The following CLCN6 variants were observed in gnomAD, a reference collection of about 807,000 sequenced individuals.
The protein encoded by CLCN6 is H(+)/Cl(-) exchange transporter 6.
A neutral mutation model predicts 109.8 loss-of-function variants in CLCN6; 70 were observed. That is an observed-to-expected ratio of 0.64 (90% confidence interval 0.53 to 0.78). The LOEUF (loss-of-function observed/expected upper bound fraction) is 0.78. Among genes scored for constraint, CLCN6 ranks in the 30% least tolerant of loss-of-function variants. The pLI is 0.00. For missense variants in CLCN6, 984 were observed against 1,142.3 expected (o/e 0.86, Z 2.00); for synonymous variants, 444 against 447.8 (o/e 0.99, Z 0.11).
chr1:11,819,945 T>A (rs1644720578), intron 5 of CLCN6, among the ~76,000 whole-genome samples: 1 of 152,094 alleles, frequency 6.6e-6, no homozygotes, highest in African/African-American at 2.4e-5. Flanking sequence ...CTGTCAGATA[T>A]CAAGTCTTAT....
At chr1:11,828,691 T>G in intron 12 of CLCN6, 67 bp downstream of exon 12, 1 of 1,494,050 alleles carries the variant, frequency 6.7e-7, no homozygotes, top group Non-Finnish European at 9.0e-7. Flanking sequence ...GGCCGCGCCA[T>G]CTCTCCCGAG....
chr1:11,827,257 C>G, intron 10 of CLCN6, 36 bp downstream of exon 10: 1 of 1,591,630 alleles, frequency 6.3e-7, no homozygotes, highest in Non-Finnish European at 8.6e-7. Context: ...TTAACCACAC[C>G]CCCCGAATTA....
At chr1:11,808,068 C>T (rs1473489643) in intron 2 of CLCN6, among the ~76,000 whole-genome samples, 1 of 152,088 alleles carries the variant, frequency 6.6e-6, no homozygotes, top group Non-Finnish European at 1.5e-5. Context: ...TGAAGGATTT[C>T]AACTATATGC....
intron 13 of CLCN6, among the ~76,000 whole-genome samples, chr1:11,833,007 G>A (rs908039484): frequency 1.4e-5 from 2 of 146,578 alleles, no homozygotes; most frequent in African/African-American, 5.1e-5. Flanking sequence ...TTCTTTTGCA[G>A]CAAATTCAGG....
Position 11,823,722 on chromosome 1 carries a change from T to G in CLCN6, c.469T>G (p.Ser157Ala). The G allele has an allele frequency of 6.2e-7, 1 of 1,614,234 alleles. No homozygotes were observed. Among genetic ancestry groups the G allele is most frequent in the Non-Finnish European group, 8.5e-7 (1 of 1,180,036 alleles). Residue 157 changes from serine (S) to alanine (A), a missense_variant, in exon 7 of 23, where the codon TCC becomes GCC. By Grantham distance (99) the Ser-to-Ala change is moderately conservative (BLOSUM62 1). Transcript: ENST00000346436. Reference sequence around the variant, plus strand: ...CCTCCATCAGCCGGTGGCAGCAGGTTCCGGGATACCCGAGGTCAAATGCTA... The same window carrying G: ...CCTCCATCAGCCGGTGGCAGCAGGTGCCGGGATACCCGAGGTCAAATGCTA... ...LVLIEPVAAGSGIPEVKCYLN... is the reference protein window; with the variant it reads ...LVLIEPVAAGAGIPEVKCYLN...
intron 8 of CLCN6, among the ~76,000 whole-genome samples, chr1:11,825,392 C>T (rs1168744616): frequency 6.6e-6 from 1 of 152,228 alleles, no homozygotes; most frequent in Non-Finnish European, 1.5e-5. Flanking sequence ...CTTTGTGGGG[C>T]AGACAGAGGA....
At position 11,842,218 on chromosome 1, in the gene CLCN6, G is replaced by C. The variant is rs1645033760; in HGVS notation, c.*1995G>C. On this transcript the variant is annotated 3_prime_UTR_variant, in exon 23 of 23. Transcript: ENST00000346436. ...CTGGATCAGCAGCCGCCTGCCCTGAGGCTGCCCCGGTGAATGTTATTGGAA... is the reference window on the plus strand; with the variant it reads ...CTGGATCAGCAGCCGCCTGCCCTGACGCTGCCCCGGTGAATGTTATTGGAA... 1 of 152,330 alleles carries C rather than the reference G, an allele frequency of 6.6e-6. No homozygotes were observed. The highest frequency in any genetic ancestry group is 1.5e-5 in the Non-Finnish European group (1 of 68,052). 9.4% of individuals were successfully genotyped at this position (152,330 alleles called of 1,614,324 possible). A position where few individuals can be genotyped will look rare whatever the true frequency, so the allele number is the denominator to read the frequency against.
chr1:11,813,936 A>G (rs185226890), intron 2 of CLCN6, among the ~76,000 whole-genome samples: 2 of 152,306 alleles, frequency 1.3e-5, no homozygotes, highest in African/African-American at 4.8e-5. Flanking sequence ...GAGATTTTCC[A>G]TATCTTTCTA....
Position 11,836,124 on chromosome 1 carries a change from C to G in CLCN6, c.1951C>G (p.Gln651Glu). ...CGAGAAGGAGTTCATGAAGGGCAAC[C>G]AGCTCATCAGCAACAACATCAAGTT... ...GNEKEFMKGN[Q>E]LISNNIKFKK... is the part of the protein sequence containing the mutation. Residue 651 changes from glutamine to glutamate, a missense_variant, in exon 18 of 23, where the codon CAG becomes GAG. By Grantham distance (29) the Gln-to-Glu change is conservative. Coordinates refer to ENST00000346436, the MANE Select transcript of CLCN6 (RefSeq NM_001286.5). 1.9e-6 allele frequency: 3 copies of G among 1,613,116 alleles called. No homozygotes were observed. Among genetic ancestry groups the G allele is most frequent in the Non-Finnish European group, 2.5e-6 (3 of 1,179,778 alleles).
Position 11,837,039 on chromosome 1 carries a change from G to A in CLCN6, c.2021G>A (p.Arg674Gln), listed in dbSNP as rs374721794. The A allele has an allele frequency of 4.3e-6, 7 of 1,612,574 alleles. No homozygotes were observed. Among genetic ancestry groups the A allele is most frequent in the Admixed American group, 1.7e-5 (1 of 60,012 alleles). ...ILTRAGEQRKRSQSMKSYPSS... is the reference protein window; with the variant it reads ...ILTRAGEQRKQSQSMKSYPSS... ...ACCCGGGCTGGCGAGCAGCGCAAAC[G>A]GAGCCAGTCCATGAAGTCCTACCCA... Residue 674 changes from arginine (R) to glutamine (Q), a missense_variant, in exon 19 of 23, where the codon CGG becomes CAG. By Grantham distance (43) the Arg-to-Gln change is conservative (BLOSUM62 1). Transcript: ENST00000346436.
intron 22 of CLCN6, chr1:11,838,954 C>G: frequency 1.4e-6 from 1 of 709,036 alleles, no homozygotes; most frequent in South Asian, 1.5e-5. Flanking sequence ...ACTGGTGTTC[C>G]TTGGTTCTCC....
chr1:11,810,076 A>G (rs55851065), intron 2 of CLCN6, among the ~76,000 whole-genome samples: 15,060 of 152,244 alleles, frequency 0.099, 803 homozygotes, highest in South Asian at 0.16. Flanking sequence ...GTAAGGTATT[A>G]ATAGTCATAT....
intron 2 of CLCN6, among the ~76,000 whole-genome samples, chr1:11,814,247 C>CTTT (rs1197587407): frequency 1.5e-4 from 20 of 131,214 alleles, no homozygotes; most frequent in African/African-American, 2.8e-4. Flanking sequence ...ACTGCTGCGT[C>CTTT]TTTTTTTTTT....
At chr1:11,821,087 C>CAA (rs1262108683) in intron 5 of CLCN6, among the ~76,000 whole-genome samples, 2 of 102,126 alleles carry the variant, frequency 2.0e-5, no homozygotes, top group Non-Finnish European at 2.1e-5. Context: ...AAAACAACAA[C>CAA]AAAAAAAAAA....
rs550617928 is a variant in CLCN6 at position 11,808,439 on chromosome 1, T to G, written c.147+1249T>G. Among the ~76,000 whole-genome samples, 7 of 152,242 alleles carry G rather than the reference T, an allele frequency of 4.6e-5. 1 individual carries two copies. Among genetic ancestry groups the G allele is most frequent in the African/African-American group, 1.7e-4 (7 of 41,528 alleles). ...AAAGAAATTCTGTACATCATATTAT[T>G]TCACCCATAATTCTATATGCATCTC... On this transcript the variant is annotated intron_variant, in intron 2 of 22. Coordinates refer to ENST00000346436, the MANE Select transcript of CLCN6 (RefSeq NM_001286.5).
chr1:11,833,455 C>T lies in CLCN6; in HGVS notation c.1249-60C>T, dbSNP rs1644904298. On this transcript the variant is annotated intron_variant, in intron 13 of 22. Transcript: ENST00000346436. ...CTGTTTTGGACCCGGCTGGAGACAT[C>T]CCACTTGAAGACTCAAAGTCAGGTG... The T allele has an allele frequency of 1.9e-6, 3 of 1,578,652 alleles. No individual in the cohort carries two copies. The South Asian group carries it at 3.4e-5, about 18-fold the overall frequency.
intron 1 of CLCN6, 75 bp downstream of exon 1, chr1:11,806,424 G>A: frequency 5.9e-6 from 8 of 1,361,968 alleles, no homozygotes; most frequent in Non-Finnish European, 7.7e-6. Context: ...CGGGGGTGGG[G>A]CCGGGCCAAT....
At chr1:11,810,820 C>T (rs1426432338) in intron 2 of CLCN6, among the ~76,000 whole-genome samples, 2 of 152,060 alleles carry the variant, frequency 1.3e-5, no homozygotes, top group African/African-American at 4.8e-5. Context: ...ATGCTCAGCA[C>T]TTTGGGAGGC....
At chr1:11,816,736 G>A (rs993616250) in intron 4 of CLCN6, 56 bp downstream of exon 4, 1 of 1,304,862 alleles carries the variant, frequency 7.7e-7, no homozygotes, top group African/African-American at 1.5e-5. Context: ...GGGCTTACAG[G>A]GAAAGCCCTG....
Sources: allele counts gnomAD v4.1 joint callset (sites outside exome capture counted in the v4.1 genomes callset), GRCh38; gene constraint gnomAD v4.1.1; transcripts MANE v1.5; gene names NCBI Gene and HGNC (gene_info 2026-07-23, HGNC 2026-07-21).